The following FAM168A variants were observed in gnomAD, a reference collection of about 807,000 sequenced individuals.
The protein encoded by FAM168A is family with sequence similarity 168 member A.
In FAM168A, 3 loss-of-function variants were observed where a neutral mutation model predicts 28.5. That is an observed-to-expected ratio of 0.11 (90% CI 0.05 to 0.27). FAM168A has a LOEUF of 0.27. Among genes scored for constraint, FAM168A ranks in the 10% least tolerant of loss-of-function variants. The probability of loss-of-function intolerance (pLI) is 1.00; values close to 1 mark genes in which losing one functional copy is unlikely to be tolerated. For synonymous variants in FAM168A, 122 were observed against 124.2 expected (o/e 0.98, Z 0.12); for missense variants, 222 against 311.5 (o/e 0.71, Z 2.16).
At chr11:73,564,523 G>A (rs1397384788) in intron 1 of FAM168A, among the ~76,000 whole-genome samples, 1 of 151,796 alleles carries the variant, frequency 6.6e-6, no homozygotes, top group Non-Finnish European at 1.5e-5. Flanking sequence ...CAGATCACAA[G>A]GTCAAGAGAT....
intron 1 of FAM168A, among the ~76,000 whole-genome samples, chr11:73,504,709 T>C (rs752658532): frequency 1.3e-5 from 2 of 152,132 alleles, no homozygotes; most frequent in African/African-American, 4.8e-5. Context: ...CACATATATG[T>C]TTACTGCAGC....
At chr11:73,515,833 A>T (rs1943296764) in intron 1 of FAM168A, among the ~76,000 whole-genome samples, 1 of 151,970 alleles carries the variant, frequency 6.6e-6, no homozygotes, top group Non-Finnish European at 1.5e-5. Context: ...TCTTCTGGCC[A>T]GGCTCACACC....
chr11:73,546,095 T>TA (rs1446045376), intron 1 of FAM168A, among the ~76,000 whole-genome samples: 1 of 152,214 alleles, frequency 6.6e-6, no homozygotes, highest in African/African-American at 2.4e-5. Context: ...TCTTTTTTTA[T>TA]AAAAGCTTCT....
At chr11:73,435,621 AT>A in intron 2 of FAM168A, among the ~76,000 whole-genome samples, 1 of 152,076 alleles carries the variant, frequency 6.6e-6, no homozygotes, top group African/African-American at 2.4e-5. Context: ...GATCTCAAGC[AT>A]TGCCTGAGTC....
chr11:73,567,008 C>T (rs1006672282), intron 1 of FAM168A, among the ~76,000 whole-genome samples: 2 of 152,024 alleles, frequency 1.3e-5, no homozygotes, highest in Non-Finnish European at 2.9e-5. Flanking sequence ...AGTTTAACAG[C>T]GTATAGTTAA....
chr11:73,529,292 T>C (rs1476715427), intron 1 of FAM168A, among the ~76,000 whole-genome samples: 1 of 152,236 alleles, frequency 6.6e-6, no homozygotes, highest in Non-Finnish European at 1.5e-5. Context: ...CAGCCAAACC[T>C]GGGCTCATGT....
intron 1 of FAM168A, among the ~76,000 whole-genome samples, chr11:73,472,615 G>A (rs1381281610): frequency 1.3e-5 from 2 of 152,348 alleles, no homozygotes; most frequent in African/African-American, 2.4e-5. Flanking sequence ...AGGAAAGCAA[G>A]AAGAGTAGTA....
intron 2 of FAM168A, among the ~76,000 whole-genome samples, chr11:73,437,695 C>CAGGA (rs1261820640): frequency 6.6e-6 from 1 of 152,042 alleles, no homozygotes; most frequent in Non-Finnish European, 1.5e-5. Context: ...GAGGCTGAGG[C>CAGGA]AGGAGAACTG....
intron 1 of FAM168A, among the ~76,000 whole-genome samples, chr11:73,545,392 T>C (rs938588539): frequency 7.9e-5 from 12 of 151,916 alleles, no homozygotes; most frequent in Non-Finnish European, 1.3e-4. Context: ...TATTATTCCA[T>C]TTATATGAAA....
chr11:73,490,503 A>G (rs969897391), intron 1 of FAM168A, among the ~76,000 whole-genome samples: 7 of 152,124 alleles, frequency 4.6e-5, no homozygotes, highest in Admixed American at 4.6e-4. Flanking sequence ...TACCTTCTCA[A>G]CCTTTTGACT....
At chr11:73,413,127 C>G (rs1384384186) in intron 4 of FAM168A, among the ~76,000 whole-genome samples, 1 of 152,198 alleles carries the variant, frequency 6.6e-6, no homozygotes, top group Non-Finnish European at 1.5e-5. Flanking sequence ...GGTCACAAAT[C>G]TTTCTCAGTC....
intron 2 of FAM168A, among the ~76,000 whole-genome samples, chr11:73,437,231 G>A (rs1867105037): frequency 6.6e-6 from 1 of 151,186 alleles, no homozygotes. Flanking sequence ...CCAAGCAGCT[G>A]GGATTACAGG....
At chr11:73,591,014 C>T (rs998730751) in intron 1 of FAM168A, among the ~76,000 whole-genome samples, 9 of 152,118 alleles carry the variant, frequency 5.9e-5, no homozygotes, top group Non-Finnish European at 8.8e-5. Flanking sequence ...CATGGTGGCA[C>T]GGGCCTGTGG....
intron 1 of FAM168A, among the ~76,000 whole-genome samples, chr11:73,477,861 G>A (rs1303834861): frequency 6.6e-6 from 1 of 152,074 alleles, no homozygotes; most frequent in Admixed American, 6.6e-5. Flanking sequence ...GAAAGGAAGT[G>A]ATACTAGACA....
intron 2 of FAM168A, among the ~76,000 whole-genome samples, chr11:73,438,410 C>T (rs1046100698): frequency 2.0e-5 from 3 of 151,848 alleles, no homozygotes; most frequent in East Asian, 1.9e-4. Context: ...TGTCAAGGTG[C>T]GGAGGGGGCA....
chr11:73,522,203 C>CAA (rs5792619), intron 1 of FAM168A, among the ~76,000 whole-genome samples: 9,059 of 144,366 alleles, frequency 0.063, 798 homozygotes, highest in African/African-American at 0.2. Flanking sequence ...TCTAGTCCAC[C>CAA]AAAAAAAAAA....
At chr11:73,514,136 G>A (rs1266899987) in intron 1 of FAM168A, among the ~76,000 whole-genome samples, 2 of 152,034 alleles carry the variant, frequency 1.3e-5, no homozygotes, top group Non-Finnish European at 2.9e-5. Context: ...CTGAGCAACA[G>A]AGTGAGACTC....
At chr11:73,419,491 A>G (rs1283981170) in intron 4 of FAM168A, among the ~76,000 whole-genome samples, 2 of 152,100 alleles carry the variant, frequency 1.3e-5, no homozygotes, top group African/African-American at 4.8e-5. Context: ...TATTTGGCCT[A>G]GATGTCAATA....
intron 1 of FAM168A, among the ~76,000 whole-genome samples, chr11:73,544,970 A>T (rs1303631993): frequency 1.1e-5 from 1 of 87,654 alleles, no homozygotes; most frequent in East Asian, 2.4e-4. Context: ...TATAATATAT[A>T]TTATATAATA....
Sources: allele counts gnomAD v4.1 joint callset (sites outside exome capture counted in the v4.1 genomes callset), GRCh38; gene constraint gnomAD v4.1.1; transcripts MANE v1.5; gene names NCBI Gene and HGNC (gene_info 2026-07-23, HGNC 2026-07-21).